The following CAMSAP2 variants were observed in gnomAD, a reference collection of about 807,000 sequenced individuals.
CAMSAP2 encodes the protein calmodulin regulated spectrin associated protein family member 2, also known as calmodulin-regulated spectrin-associated protein 2.
CAMSAP2 carries 26 observed loss-of-function variants against 146.1 expected under a neutral mutation model. The ratio of observed to expected loss-of-function variants is 0.18; its 90% CI spans 0.13 to 0.25. The LOEUF is 0.25. Among genes scored for constraint, CAMSAP2 ranks in the 10% least tolerant of loss-of-function variants. The pLI is 1.00. For synonymous variants in CAMSAP2, 499 were observed against 596.6 expected, an observed-to-expected ratio of 0.84 and a Z score of 2.38; for missense variants, 1,381 against 1,759.3, an observed-to-expected ratio of 0.78 and a Z score of 3.85.
chr1:200,772,710 C>T (rs558820186), intron 2 of CAMSAP2, among the ~76,000 whole-genome samples: 1 of 152,262 alleles, frequency 6.6e-6, no homozygotes, highest in Non-Finnish European at 1.5e-5. Flanking sequence ...TTACTAGAAA[C>T]TAAATACCAT....
intron 2 of CAMSAP2, among the ~76,000 whole-genome samples, chr1:200,796,551 G>A (rs1404237279): frequency 6.6e-6 from 1 of 152,048 alleles, no homozygotes; most frequent in Non-Finnish European, 1.5e-5. Flanking sequence ...TACCAATTTA[G>A]GAAAGTATTG....
chr1:200,834,315 A>T (rs1667119775), intron 6 of CAMSAP2, among the ~76,000 whole-genome samples: 1 of 152,072 alleles, frequency 6.6e-6, no homozygotes, highest in South Asian at 2.1e-4. Flanking sequence ...GTGAGCTGAG[A>T]TGGCACCACT....
intron 6 of CAMSAP2, among the ~76,000 whole-genome samples, chr1:200,839,495 G>C (rs1667262990): frequency 6.6e-6 from 1 of 152,136 alleles, no homozygotes. Flanking sequence ...GTTGACAGGG[G>C]AAGGATACAT....
intron 6 of CAMSAP2, among the ~76,000 whole-genome samples, chr1:200,834,907 G>C (rs747450783): frequency 6.6e-6 from 1 of 152,160 alleles, no homozygotes; most frequent in Admixed American, 6.5e-5. Flanking sequence ...CCAAGACCCT[G>C]TCACCAAAAA....
At chr1:200,760,696 G>T in intron 1 of CAMSAP2, 143 bp from the exon 2 acceptor site, 1 of 575,774 alleles carries the variant, frequency 1.7e-6, no homozygotes, top group African/African-American at 1.9e-5. Context: ...AAAGTTTAAT[G>T]AATCATCTTT....
At chr1:200,854,505 A>AT (rs1254851083) in intron 13 of CAMSAP2, among the ~76,000 whole-genome samples, 10 of 151,778 alleles carry the variant, frequency 6.6e-5, no homozygotes, top group East Asian at 1.9e-4. Context: ...ATATTATGAA[A>AT]TTTTTTTTTG....
chr1:200,759,138 A>T (rs529896074), intron 1 of CAMSAP2, among the ~76,000 whole-genome samples: 1 of 151,704 alleles, frequency 6.6e-6, no homozygotes, highest in South Asian at 2.1e-4. Flanking sequence ...CTGCTTTCCC[A>T]CATGAACTCT....
rs1168339554 is a variant in CAMSAP2, at chr1:200,739,294, C to T, written c.-534C>T. Among the ~76,000 whole-genome samples, 5 of 152,102 alleles carry T rather than the reference C, an allele frequency of 3.3e-5. No individual in the cohort carries two copies. Among genetic ancestry groups the T allele is most frequent in the African/African-American group, 4.8e-5 (2 of 41,450 alleles). ...CCCCGCGCTTCCCCCTCGTCCTGCT[C>T]GTCCCTCCGCCCACCCGGGGCCTGA... On this transcript the variant is annotated 5_prime_UTR_variant, in exon 1 of 17. Coordinates refer to ENST00000358823, the MANE Select transcript of CAMSAP2 (RefSeq NM_203459.4). This position sits in a 1 kb window ranked among gnomAD's most constrained non-coding sequence, Gnocchi z 4.8.
intron 3 of CAMSAP2, among the ~76,000 whole-genome samples, chr1:200,808,688 A>T (rs1666245318): frequency 6.6e-6 from 1 of 152,224 alleles, no homozygotes; most frequent in African/African-American, 2.4e-5. Flanking sequence ...CAACCTTCAC[A>T]TCCCATTACA....
chr1:200,763,621 C>T (rs1371130546), intron 2 of CAMSAP2, among the ~76,000 whole-genome samples: 2 of 152,156 alleles, frequency 1.3e-5, no homozygotes, highest in African/African-American at 4.8e-5. Context: ...TCACATTTAC[C>T]AACCTGTGTT....
At chr1:200,787,577 G>T (rs1665629865) in intron 2 of CAMSAP2, among the ~76,000 whole-genome samples, 1 of 152,162 alleles carries the variant, frequency 6.6e-6, no homozygotes, top group East Asian at 1.9e-4. Flanking sequence ...TTCCTGGTGG[G>T]GATGCTGTGA....
intron 2 of CAMSAP2, among the ~76,000 whole-genome samples, chr1:200,797,019 C>T (rs1180055416): frequency 2.6e-5 from 4 of 152,194 alleles, no homozygotes; most frequent in Admixed American, 1.3e-4. Context: ...TTTATGGCTG[C>T]ATAGTATTCC....
Position 200,849,298 on chromosome 1 carries a change from T to C in CAMSAP2, c.2529T>C (p.Asn843=). ...SLADIKESME[N]PQAKWLKSPT... is the part of the protein sequence containing the mutation. ...CAGATATAAAAGAGAGCATGGAGAA[T>C]CCTCAAGCCAAATGGCTAAAGTCTC... Residue 843 remains asparagine, a synonymous_variant, in exon 11 of 17, where the codon AAT becomes AAC. Transcript: ENST00000358823. This position sits in a 1 kb window ranked among gnomAD's most constrained non-coding sequence, Gnocchi z 6.3. The C allele has an allele frequency of 1.2e-6, 2 of 1,613,848 alleles. No individual in the cohort carries two copies. The highest frequency in any genetic ancestry group is 8.5e-7 in the Non-Finnish European group (1 of 1,180,002).
intron 2 of CAMSAP2, among the ~76,000 whole-genome samples, chr1:200,766,695 A>G (rs1020682470): frequency 2.0e-5 from 3 of 152,134 alleles, no homozygotes; most frequent in East Asian, 1.9e-4. Context: ...CTTTTACATG[A>G]TAACAGGATA....
intron 3 of CAMSAP2, among the ~76,000 whole-genome samples, chr1:200,815,303 G>A (rs887404806): frequency 6.6e-6 from 1 of 151,854 alleles, no homozygotes; most frequent in Non-Finnish European, 1.5e-5. Context: ...TTTTCCCTTA[G>A]CGCTCCAACC....
At chr1:200,817,902 C>T (rs2102182732) in intron 4 of CAMSAP2, among the ~76,000 whole-genome samples, 1 of 152,302 alleles carries the variant, frequency 6.6e-6, no homozygotes, top group South Asian at 2.1e-4. Context: ...TTCCCCATCA[C>T]CCCAGATTAT....
chr1:200,777,083 C>T (rs1389141116), intron 2 of CAMSAP2, among the ~76,000 whole-genome samples: 1 of 152,172 alleles, frequency 6.6e-6, no homozygotes, highest in Non-Finnish European at 1.5e-5. Flanking sequence ...ACCAACCTTT[C>T]TCCTGAGGGA....
chr1:200,846,578 A>G (rs548090608), intron 8 of CAMSAP2, among the ~76,000 whole-genome samples: 37 of 152,288 alleles, frequency 2.4e-4, no homozygotes, highest in Admixed American at 8.5e-4. Context: ...TCTCATTTCT[A>G]TAAGTCTCCA....
At position 200,857,675 on chromosome 1, in the gene CAMSAP2, A is replaced by G; in HGVS notation, c.4132-79A>G. The G allele has an allele frequency of 8.1e-7, 1 of 1,227,410 alleles. No individual in the cohort carries two copies. Among genetic ancestry groups the G allele is most frequent in the South Asian group, 1.6e-5 (1 of 63,628 alleles). The allele number at this position is 1,227,410 out of a possible 1,614,324, so 76.0% of individuals were successfully genotyped here. On this transcript the variant is annotated intron_variant, in intron 16 of 16. Transcript: ENST00000358823. The surrounding 1 kb of genome is among the most constrained non-coding windows in gnomAD (Gnocchi z 4.7). ...ATAAAATGTGACTAAGAAACGTAACATAATTATATAAACTTTATTCAGCAA... is the reference window on the plus strand; with the variant it reads ...ATAAAATGTGACTAAGAAACGTAACGTAATTATATAAACTTTATTCAGCAA...
Sources: gnomAD v4.1 joint callset for allele counts (sites outside exome capture counted in the v4.1 genomes callset) on GRCh38, gnomAD v4.1.1 for gene constraint, Gnocchi (gnomAD v3.1) non-coding constraint, MANE v1.5 for transcripts, NCBI Gene and HGNC (gene_info 2026-07-23, HGNC 2026-07-21) for gene names.